RAI14: variants seen among roughly 807,000 people sequenced by gnomAD.
RAI14 encodes retinoic acid induced 14, also known as ankycorbin.
RAI14 carries 45 observed loss-of-function variants against 115.4 expected under a neutral mutation model. The ratio of observed to expected loss-of-function variants is 0.39; its 90% CI spans 0.31 to 0.50. The LOEUF (loss-of-function observed/expected upper bound fraction) is 0.50. RAI14 is among the 20% of genes least tolerant of loss of function. RAI14 has a pLI of 0.85. For synonymous variants in RAI14, 371 were observed against 415.4 expected, an observed-to-expected ratio of 0.89 and a Z score of 1.30; for missense variants, 939 against 1,131.2, an observed-to-expected ratio of 0.83 and a Z score of 2.44.
chr5:34,731,218 G>C, intron 2 of RAI14, among the ~76,000 whole-genome samples: 1 of 152,034 alleles, frequency 6.6e-6, no homozygotes, highest in Non-Finnish European at 1.5e-5. Flanking sequence ...ACAGTGTTTG[G>C]TTATGTGGTT....
At chr5:34,722,643 C>T (rs538632406) in intron 2 of RAI14, among the ~76,000 whole-genome samples, 183 of 149,364 alleles carry the variant, frequency 1.2e-3, no homozygotes, top group Non-Finnish European at 2.1e-3. Context: ...GTCAGGAGTT[C>T]GGTACCAGCC....
intron 2 of RAI14, among the ~76,000 whole-genome samples, chr5:34,713,985 G>T (rs1258524764): frequency 6.6e-6 from 1 of 151,782 alleles, no homozygotes; most frequent in African/African-American, 2.4e-5. Context: ...TGTATTTTTA[G>T]TAGAGACAGG....
Position 34,830,939 on chromosome 5 carries a change from G to C in RAI14, c.*174G>C, listed in dbSNP as rs558371983. On this transcript the variant is annotated 3_prime_UTR_variant, in exon 18 of 18. Coordinates refer to ENST00000265109, the MANE Select transcript of RAI14 (RefSeq NM_015577.3). ...TCCCAGGAGAAGACTGCCCGCCTCA[G>C]AACTGCTTAGAGACTTCAAACCAGC... The C allele has an allele frequency of 8.4e-7, 1 of 1,193,952 alleles. No individual in the cohort carries two copies. Among genetic ancestry groups the C allele is most frequent in the Non-Finnish European group, 1.1e-6 (1 of 887,262 alleles). The allele number at this position is 1,193,952 out of a possible 1,614,324, so 74.0% of individuals were successfully genotyped here. A position where few individuals can be genotyped will look rare whatever the true frequency, so the allele number is the denominator to read the frequency against.
At chr5:34,678,259 AG>A (rs1270931111) in intron 1 of RAI14, among the ~76,000 whole-genome samples, 1 of 152,104 alleles carries the variant, frequency 6.6e-6, no homozygotes, top group African/African-American at 2.4e-5. Context: ...CACCACATCC[AG>A]CTGAAAATTC....
intron 2 of RAI14, among the ~76,000 whole-genome samples, chr5:34,743,600 C>T (rs754307674): frequency 3.3e-5 from 5 of 152,296 alleles, no homozygotes; most frequent in Admixed American, 6.5e-5. Context: ...CTTACATGTA[C>T]GTAGGGCTAG....
intron 2 of RAI14, among the ~76,000 whole-genome samples, chr5:34,741,742 C>T (rs1055515762): frequency 2.0e-5 from 3 of 152,042 alleles, no homozygotes; most frequent in African/African-American, 4.8e-5. Flanking sequence ...TGGACAGCCA[C>T]GGATGGTTTT....
At chr5:34,681,354 G>A (rs1174242469) in intron 1 of RAI14, among the ~76,000 whole-genome samples, 1 of 152,132 alleles carries the variant, frequency 6.6e-6, no homozygotes, top group Admixed American at 6.6e-5. Flanking sequence ...TCAGAACTTG[G>A]TCTGTGGTAT....
At chr5:34,772,669 T>C (rs773167490) in intron 3 of RAI14, among the ~76,000 whole-genome samples, 5 of 152,160 alleles carry the variant, frequency 3.3e-5, no homozygotes, top group Non-Finnish European at 7.3e-5. Context: ...CCTTGTCACC[T>C]GGGCCTCCTG....
chr5:34,711,307 CA>C (rs1741371526), intron 2 of RAI14, among the ~76,000 whole-genome samples: 1 of 151,038 alleles, frequency 6.6e-6, no homozygotes, highest in African/African-American at 2.4e-5. Context: ...GTTTTGCCGG[CA>C]GGGGGTGGAT....
chr5:34,801,090 G>A, intron 4 of RAI14, among the ~76,000 whole-genome samples: 1 of 152,178 alleles, frequency 6.6e-6, no homozygotes, highest in East Asian at 1.9e-4. Flanking sequence ...TGGAAGGAGG[G>A]ATCTCATATA....
intron 2 of RAI14, among the ~76,000 whole-genome samples, chr5:34,757,058 C>A (rs1747982594): frequency 6.6e-6 from 1 of 152,120 alleles, no homozygotes; most frequent in Non-Finnish European, 1.5e-5. Flanking sequence ...CCTTGAGCTG[C>A]TGGTTTGGTT....
chr5:34,753,555 G>A (rs545861569), intron 2 of RAI14, among the ~76,000 whole-genome samples: 1 of 152,012 alleles, frequency 6.6e-6, no homozygotes, highest in South Asian at 2.1e-4. Context: ...CAAGGTGGGA[G>A]GATCACTTGA....
intron 10 of RAI14, among the ~76,000 whole-genome samples, 176 bp downstream of exon 10, chr5:34,812,384 A>G (rs111847320): frequency 0.13 from 19,197 of 152,270 alleles, 1,688 homozygotes; most frequent in Non-Finnish European, 0.18. Flanking sequence ...AAAGGTTGCC[A>G]GGCCGGGCCG....
At chr5:34,784,877 G>T (rs1279206260) in intron 3 of RAI14, among the ~76,000 whole-genome samples, 1 of 152,172 alleles carries the variant, frequency 6.6e-6, no homozygotes, top group Non-Finnish European at 1.5e-5. Flanking sequence ...GCTTAGAGCA[G>T]GTCGTATCCA....
intron 1 of RAI14, among the ~76,000 whole-genome samples, chr5:34,667,591 CAT>C (rs1743316952): frequency 6.6e-6 from 1 of 152,050 alleles, no homozygotes; most frequent in African/African-American, 2.4e-5. Flanking sequence ...CTATTTAAAA[CAT>C]AGGCATAGAA....
chr5:34,796,414 T>A (rs973703553), intron 4 of RAI14, among the ~76,000 whole-genome samples: 58 of 135,080 alleles, frequency 4.3e-4, no homozygotes, highest in Non-Finnish European at 7.4e-4. Flanking sequence ...AAAAAAAAAA[T>A]TAGAGTCTAC....
At chr5:34,706,049 T>C (rs920976680) in intron 2 of RAI14, among the ~76,000 whole-genome samples, 1 of 152,220 alleles carries the variant, frequency 6.6e-6, no homozygotes, top group Non-Finnish European at 1.5e-5. Flanking sequence ...ATGGAGCATC[T>C]CAATGAAATG....
intron 16 of RAI14, among the ~76,000 whole-genome samples, chr5:34,828,848 A>AGTACACTG: frequency 2.0e-5 from 3 of 152,316 alleles, no homozygotes; most frequent in African/African-American, 7.2e-5. Context: ...CTGATAGCTA[A>AGTACACTG]ATAATTGAGC....
chr5:34,747,927 A>T (rs991195174), intron 2 of RAI14, among the ~76,000 whole-genome samples: 4 of 152,140 alleles, frequency 2.6e-5, no homozygotes, highest in Non-Finnish European at 5.9e-5. Flanking sequence ...ACCTTTACAG[A>T]TACTTTGGAA....
Sources: allele counts gnomAD v4.1 joint callset (sites outside exome capture counted in the v4.1 genomes callset), GRCh38; gene constraint gnomAD v4.1.1; transcripts MANE v1.5; gene names NCBI Gene and HGNC (gene_info 2026-07-23, HGNC 2026-07-21).